PHF21A: variants seen among roughly 807,000 people sequenced by gnomAD.
The protein encoded by PHF21A is BHC80a.
A neutral mutation model predicts 82.5 loss-of-function variants in PHF21A; 11 were observed. That is an observed-to-expected ratio of 0.13 (90% CI 0.08 to 0.22). The LOEUF is 0.22. Among genes scored for constraint, PHF21A ranks in the 10% least tolerant of loss-of-function variants. The pLI is 1.00. For synonymous variants in PHF21A, 297 were observed against 302.8 expected (o/e 0.98, Z 0.20); for missense variants, 579 against 837.8 (o/e 0.69, Z 3.81).
intron 6 of PHF21A, among the ~76,000 whole-genome samples, chr11:45,984,352 G>A (rs1439333987): frequency 6.6e-6 from 1 of 152,196 alleles, no homozygotes; most frequent in Non-Finnish European, 1.5e-5. Context: ...AACCCAGCAT[G>A]TAACAAGGAG....
intron 1 of PHF21A, among the ~76,000 whole-genome samples, chr11:46,092,654 G>C (rs2096938764): frequency 6.6e-6 from 1 of 151,354 alleles, no homozygotes; most frequent in Non-Finnish European, 1.5e-5. Context: ...AATTAATCTT[G>C]AAATGTATTT....
At chr11:46,062,485 A>G (rs2096547383) in intron 6 of PHF21A, among the ~76,000 whole-genome samples, 1 of 151,784 alleles carries the variant, frequency 6.6e-6, no homozygotes, top group African/African-American at 2.4e-5. Context: ...CTGTTTTCTA[A>G]TTGTTCCTTT....
Position 46,108,567 on chromosome 11 carries a change from G to GTATATATATATATATA in PHF21A, c.-237+12352_-237+12367dup, listed in dbSNP as rs146891624. 1.1e-4 allele frequency among the ~76,000 whole-genome samples: 7 copies of GTATATATATATATATA among 62,230 alleles called. 1 individual carries two copies. The East Asian group carries it at 1.2e-3, about 11-fold the overall frequency. The allele number at this position is 62,230 out of a possible 152,430, so 40.8% of individuals were successfully genotyped here. The stretch of plus-strand genomic sequence containing the variant: ...AACTTCTTTAAAAATGTGTGTGTGT[G>GTATATATATATATATA]TATATATATATATATATATAAAATA... On this transcript the variant is annotated intron_variant, in intron 1 of 18. Coordinates refer to ENST00000676320, the MANE Select transcript of PHF21A (RefSeq NM_001352027.3).
In PHF21A at chr11:45,971,905, T is replaced by TTTTTTTA. The variant is rs1452859819; in HGVS notation, c.361-539_361-538insTAAAAAA. ...CTTTTTCTTTCTTTTTTTTTTTTTT[T>TTTTTTTA]ATGGTGTCACCCTGGAGAGAAGGAA... On this transcript the variant is annotated intron_variant, in intron 7 of 18. Transcript: ENST00000676320. Among the ~76,000 whole-genome samples, 19 of 89,952 alleles carry TTTTTTTA rather than the reference T, an allele frequency of 2.1e-4. 4 individuals carry two copies. In the East Asian group the frequency reaches 8.2e-3, roughly 39 times the overall value. The allele number at this position is 89,952 out of a possible 152,430, so 59.0% of individuals were successfully genotyped here.
At chr11:46,051,646 A>AT (rs775148242) in intron 6 of PHF21A, among the ~76,000 whole-genome samples, 13 of 152,248 alleles carry the variant, frequency 8.5e-5, no homozygotes, top group Non-Finnish European at 1.6e-4. Flanking sequence ...CCAATGTGCA[A>AT]TTCCATTCTG....
At chr11:46,103,944 C>A (rs1324893050) in intron 1 of PHF21A, among the ~76,000 whole-genome samples, 1 of 152,094 alleles carries the variant, frequency 6.6e-6, no homozygotes, top group Non-Finnish European at 1.5e-5. Context: ...ATTATTTACC[C>A]CAAAACTCCT....
At chr11:45,999,938 G>A (rs1165075226) in intron 6 of PHF21A, among the ~76,000 whole-genome samples, 1 of 152,144 alleles carries the variant, frequency 6.6e-6, no homozygotes, top group Non-Finnish European at 1.5e-5. Flanking sequence ...AGAGAAAGTC[G>A]CAATATTCTG....
At chr11:46,051,786 C>G (rs1342286005) in intron 6 of PHF21A, among the ~76,000 whole-genome samples, 2 of 152,040 alleles carry the variant, frequency 1.3e-5, no homozygotes, top group Non-Finnish European at 2.9e-5. Flanking sequence ...TGGACTTAAG[C>G]TAAGAAGCAG....
chr11:46,022,834 G>C (rs774880884), intron 6 of PHF21A, among the ~76,000 whole-genome samples: 2 of 152,078 alleles, frequency 1.3e-5, no homozygotes, highest in Admixed American at 6.5e-5. Flanking sequence ...CCAGGCTGGA[G>C]TGCAGTGGTG....
At chr11:46,068,593 C>T (rs1003765596) in intron 6 of PHF21A, among the ~76,000 whole-genome samples, 5 of 152,002 alleles carry the variant, frequency 3.3e-5, no homozygotes, top group African/African-American at 1.2e-4. Context: ...AAAAACATTC[C>T]ACAAACTTGG....
At chr11:45,962,129 C>T (rs528869395) in intron 10 of PHF21A, among the ~76,000 whole-genome samples, 3 of 152,284 alleles carry the variant, frequency 2.0e-5, no homozygotes, top group South Asian at 4.1e-4. Context: ...AACTGAGTTC[C>T]GTGAGGGTAC....
intron 8 of PHF21A, 45 bp downstream of exon 8, chr11:45,971,071 T>C (rs1165610628): frequency 1.9e-6 from 3 of 1,605,358 alleles, no homozygotes; most frequent in African/African-American, 2.7e-5. Flanking sequence ...ATGCGTATCC[T>C]AACCTTCTCA....
intron 12 of PHF21A, 130 bp downstream of exon 12, chr11:45,950,076 A>G (rs1591112164): frequency 3.0e-6 from 2 of 673,154 alleles, no homozygotes; most frequent in Non-Finnish European, 4.9e-6. Context: ...AAGGAAATAA[A>G]GTCCACATTG....
intron 15 of PHF21A, among the ~76,000 whole-genome samples, chr11:45,941,122 CG>C (rs1192689363): frequency 6.6e-6 from 1 of 151,608 alleles, no homozygotes; most frequent in Non-Finnish European, 1.5e-5. Flanking sequence ...TTTTTGAGAC[CG>C]GGTCTGGCTC....
At chr11:45,961,163 T>C (rs1422957412) in intron 10 of PHF21A, among the ~76,000 whole-genome samples, 1 of 152,168 alleles carries the variant, frequency 6.6e-6, no homozygotes, top group Non-Finnish European at 1.5e-5. Flanking sequence ...CTCACTTACA[T>C]CTCCTCTTCG....
chr11:46,110,975 A>T (rs1404378999), intron 1 of PHF21A, among the ~76,000 whole-genome samples: 1 of 151,260 alleles, frequency 6.6e-6, no homozygotes, highest in Non-Finnish European at 1.5e-5. Flanking sequence ...AGTAGAGATG[A>T]GGTTTTGCCA....
At chr11:46,066,681 AG>A (rs2096598065) in intron 6 of PHF21A, among the ~76,000 whole-genome samples, 6 of 152,222 alleles carry the variant, frequency 3.9e-5, no homozygotes, top group Non-Finnish European at 8.8e-5. Context: ...CTTGGGCGAC[AG>A]AGCAAGACCT....
intron 4 of PHF21A, 70 bp from the exon 5 acceptor site, chr11:46,079,236 C>T (rs2096761943): frequency 1.8e-6 from 2 of 1,104,608 alleles, no homozygotes; most frequent in Admixed American, 2.2e-5. Flanking sequence ...CAGGTTTGGA[C>T]CAAAAAATCT....
intron 15 of PHF21A, among the ~76,000 whole-genome samples, chr11:45,940,427 C>A (rs2090129904): frequency 6.6e-6 from 1 of 152,102 alleles, no homozygotes; most frequent in Non-Finnish European, 1.5e-5. Flanking sequence ...AACTCCTGAC[C>A]TCATGATCTG....
Sources: allele counts gnomAD v4.1 joint callset (sites outside exome capture counted in the v4.1 genomes callset), GRCh38; gene constraint gnomAD v4.1.1; transcripts MANE v1.5; gene names NCBI Gene and HGNC (gene_info 2026-07-23, HGNC 2026-07-21).